MYL12A: variants seen among roughly 807,000 people sequenced by gnomAD.
MYL12A encodes the protein myosin light chain 12A.
MYL12A carries 11 observed loss-of-function variants against 13.3 expected under a neutral mutation model. The ratio of observed to expected loss-of-function variants is 0.83; its 90% CI spans 0.52 to 1.37. The LOEUF (loss-of-function observed/expected upper bound fraction) is 1.37, where lower values mean the gene tolerates loss of function less well. Ranked by LOEUF, MYL12A falls within the 40% of genes most tolerant of loss-of-function variation. The probability of loss-of-function intolerance (pLI) is 0.00; values close to 1 mark genes in which losing one functional copy is unlikely to be tolerated. For missense variants in MYL12A, 146 were observed against 212.3 expected (o/e 0.69, Z 1.94); for synonymous variants, 51 against 69.9 (o/e 0.73, Z 1.35).
At position 3,253,240 on chromosome 18, in the gene MYL12A, C is replaced by T. The variant is rs762914141; in HGVS notation, c.-8C>T. On this transcript the variant is annotated 5_prime_UTR_variant, in exon 2 of 4. Coordinates refer to ENST00000217652, the MANE Select transcript of MYL12A (RefSeq NM_006471.4). The stretch of plus-strand genomic sequence containing the variant: ...ATTTCCTTTCCTAATTAGGACTTAA[C>T]CACCACCATGTCGAGCAAAAGAACA... 2 of 1,609,418 alleles carry T rather than the reference C, an allele frequency of 1.2e-6. No individual in the cohort carries two copies. Among genetic ancestry groups the T allele is most frequent in the Non-Finnish European group, 1.7e-6 (2 of 1,177,208 alleles).
intron 1 of MYL12A, among the ~76,000 whole-genome samples, chr18:3,249,157 T>C (rs957144182): frequency 6.6e-6 from 1 of 152,238 alleles, no homozygotes; most frequent in South Asian, 2.1e-4. Context: ...TGCTGGACTC[T>C]AGGATTCTAA....
chr18:3,252,308 C>G (rs1178763151), intron 1 of MYL12A: 1 of 1,532,898 alleles, frequency 6.5e-7, no homozygotes, highest in South Asian at 1.2e-5. Context: ...ACCATCTTCC[C>G]TGCAACTCTG....
At chr18:3,251,621 A>G (rs372072590) in intron 1 of MYL12A, among the ~76,000 whole-genome samples, 3 of 152,346 alleles carry the variant, frequency 2.0e-5, no homozygotes, top group African/African-American at 7.2e-5. Context: ...TTTTAAAGAC[A>G]GCATTTATAA....
intron 1 of MYL12A, among the ~76,000 whole-genome samples, chr18:3,249,170 A>G (rs1434692054): frequency 5.9e-5 from 9 of 152,206 alleles, no homozygotes; most frequent in Admixed American, 4.6e-4. Flanking sequence ...GATTCTAACC[A>G]CAGAACTCTA....
At chr18:3,253,646 A>G in intron 2 of MYL12A, 1 of 678,506 alleles carries the variant, frequency 1.5e-6, no homozygotes, top group South Asian at 2.1e-5. Flanking sequence ...GTATAAAAAC[A>G]CTGATCTTGA....
chr18:3,249,548 T>G (rs2081463607), intron 1 of MYL12A: 1 of 152,228 alleles, frequency 6.6e-6, no homozygotes, highest in Non-Finnish European at 1.5e-5. Flanking sequence ...TCTGTAAGTC[T>G]CTCTACTTTC....
At chr18:3,248,429 A>G (rs1263497736) in intron 1 of MYL12A, 1 of 152,206 alleles carries the variant, frequency 6.6e-6, no homozygotes, top group African/African-American at 2.4e-5. Context: ...TTGTGACTCG[A>G]AGAAAAACTC....
At chr18:3,252,888 A>G (rs1395805145) in intron 1 of MYL12A, among the ~76,000 whole-genome samples, 7 of 152,194 alleles carry the variant, frequency 4.6e-5, no homozygotes, top group African/African-American at 1.7e-4. Context: ...AGTTTAGGCT[A>G]AGGCTGCAAA....
In MYL12A at chr18:3,250,158, G is replaced by C. The variant is rs145356109; in HGVS notation, c.-16+2249G>C. On this transcript the variant is annotated intron_variant, in intron 1 of 3. Coordinates refer to ENST00000217652, the MANE Select transcript of MYL12A (RefSeq NM_006471.4). ...TTAATGGGTGCAGCACACCAACATG[G>C]CACATGTATACATATGTAACCTGCA... Among the ~76,000 whole-genome samples the C allele has an allele frequency of 4.8e-3, 727 of 152,234 alleles. 9 individuals carry two copies. The highest frequency in any genetic ancestry group is 0.017 in the African/African-American group (693 of 41,536).
At chr18:3,248,616 G>T (rs530893343) in intron 1 of MYL12A, 4 of 152,198 alleles carry the variant, frequency 2.6e-5, no homozygotes, top group Admixed American at 2.0e-4. Flanking sequence ...ATATTTAAAG[G>T]CGAATAAAGC....
Position 3,255,959 on chromosome 18 carries a change from T to C in MYL12A, c.*41T>C. The C allele has an allele frequency of 6.2e-7, 1 of 1,601,084 alleles. No homozygotes were observed. Among genetic ancestry groups the C allele is most frequent in the Non-Finnish European group, 8.5e-7 (1 of 1,173,082 alleles). ...CAGCCAAACGTTCCTTGTTGCCACT[T>C]TGGGTATTCTGAGATTTTCTCTTGC... On this transcript the variant is annotated 3_prime_UTR_variant, in exon 4 of 4. Coordinates refer to ENST00000217652, the MANE Select transcript of MYL12A (RefSeq NM_006471.4).
At chr18:3,247,643 C>G (rs2081441637), upstream of MYL12A, 1 of 152,340 alleles carries the variant, frequency 6.6e-6, no homozygotes, top group Non-Finnish European at 1.5e-5. Flanking sequence ...ATATATTGCT[C>G]TATATTCTAG....
At chr18:3,247,533 C>T (rs2081440486), upstream of MYL12A, 1 of 152,350 alleles carries the variant, frequency 6.6e-6, no homozygotes, top group African/African-American at 2.4e-5. Flanking sequence ...ACAGGACGGA[C>T]GCAACCATCT....
At chr18:3,248,809 C>T (rs7359756) in intron 1 of MYL12A, among the ~76,000 whole-genome samples, 1 of 152,198 alleles carries the variant, frequency 6.6e-6, no homozygotes, top group Non-Finnish European at 1.5e-5. Context: ...CGAATCCTAC[C>T]TTCAACCGGA....
chr18:3,252,298 A>G (rs1002001990), intron 1 of MYL12A: 4 of 1,532,352 alleles, frequency 2.6e-6, no homozygotes, highest in East Asian at 4.9e-5. Flanking sequence ...TTTGCAGACT[A>G]CCATCTTCCC....
chr18:3,251,400 C>A (rs1712076904), intron 1 of MYL12A, among the ~76,000 whole-genome samples: 1 of 152,144 alleles, frequency 6.6e-6, no homozygotes, highest in Non-Finnish European at 1.5e-5. Context: ...AAATAGCTGA[C>A]ATTTCTGCAT....
intron 1 of MYL12A, among the ~76,000 whole-genome samples, chr18:3,251,549 C>T (rs1231748754): frequency 1.3e-5 from 2 of 152,174 alleles, no homozygotes; most frequent in African/African-American, 4.8e-5. Flanking sequence ...CAACCTCTTG[C>T]TCCAAGTCCT....
At chr18:3,253,858 A>G in intron 2 of MYL12A, 31 bp from the exon 3 acceptor site, 1 of 1,576,760 alleles carries the variant, frequency 6.3e-7, no homozygotes, top group Non-Finnish European at 8.6e-7. Context: ...TTGTAATGTA[A>G]TTAAAATTAT....
chr18:3,250,563 A>G lies in MYL12A; in HGVS notation c.-16+2654A>G, dbSNP rs535153379. On this transcript the variant is annotated intron_variant, in intron 1 of 3. Coordinates refer to ENST00000217652, the MANE Select transcript of MYL12A (RefSeq NM_006471.4). Reference sequence around the variant, plus strand: ...CCTATCGCTGAAAGGTTTCTGGTGGAAAATAACTCATAGATCAGAATCCAG... The same window carrying G: ...CCTATCGCTGAAAGGTTTCTGGTGGGAAATAACTCATAGATCAGAATCCAG... Among the ~76,000 whole-genome samples the G allele has an allele frequency of 3.3e-5, 5 of 152,338 alleles. No homozygotes were observed. In the East Asian group the frequency reaches 7.7e-4, roughly 23 times the overall value.
Sources: gnomAD v4.1 joint callset for allele counts (sites outside exome capture counted in the v4.1 genomes callset) on GRCh38, gnomAD v4.1.1 for gene constraint, MANE v1.5 for transcripts, NCBI Gene and HGNC (gene_info 2026-07-23, HGNC 2026-07-21) for gene names.